The following PIWIL1 variants were observed in gnomAD, a reference collection of about 807,000 sequenced individuals.
PIWIL1 encodes piwi-like protein 1.
In PIWIL1, 73 loss-of-function variants were observed where a neutral mutation model predicts 114.4. That is an observed-to-expected ratio of 0.64 (90% confidence interval 0.53 to 0.78). The LOEUF (loss-of-function observed/expected upper bound fraction) is 0.78, where lower values mean the gene tolerates loss of function less well. Ranked by LOEUF, PIWIL1 falls within the 30% of genes least tolerant of loss-of-function variation. The probability of loss-of-function intolerance (pLI) is 0.00; values close to 1 mark genes in which losing one functional copy is unlikely to be tolerated. For synonymous variants in PIWIL1, 375 were observed against 369.0 expected (o/e 1.02, Z -0.19); for missense variants, 723 against 1,063.1 (o/e 0.68, Z 4.45).
the PIWIL1 span, among the ~76,000 whole-genome samples, chr12:130,388,208 G>T: frequency 6.6e-6 from 1 of 152,078 alleles, no homozygotes; most frequent in Non-Finnish European, 1.5e-5. Context: ...CAAACTCCTG[G>T]GCTCAGGTGA....
At chr12:130,378,491 A>T in the PIWIL1 span, among the ~76,000 whole-genome samples, 57,422 of 152,036 alleles carry the variant, frequency 0.38, 11,486 homozygotes, top group East Asian at 0.51. Flanking sequence ...TACATAGATG[A>T]GGAATTGCTG....
chr12:130,342,412 G>A lies in PIWIL1; in HGVS notation c.-12-168G>A, dbSNP rs137963305. 516 of 612,118 alleles carry A rather than the reference G, an allele frequency of 8.4e-4. 1 individual carries two copies. In the African/African-American group the frequency reaches 8.8e-3, roughly 10 times the overall value. The allele number at this position is 612,118 out of a possible 1,614,324, so 37.9% of individuals were successfully genotyped here. On this transcript the variant is annotated intron_variant, in intron 1 of 20. Coordinates refer to ENST00000245255, the MANE Select transcript of PIWIL1 (RefSeq NM_004764.5). ...AGGTAAGCAACTGAGTTTGTTGAAT[G>A]TAGGAATGTTACATTAAAAAAAACT...
chr12:130,412,834 C>T, the PIWIL1 span: 1 of 1,545,572 alleles, frequency 6.5e-7, no homozygotes. Flanking sequence ...TTGATTGGTT[C>T]AGAAATACAA....
chr12:130,397,258 G>A, the PIWIL1 span: 8 of 395,320 alleles, frequency 2.0e-5, no homozygotes, highest in African/African-American at 1.6e-4. Flanking sequence ...CTGGTGTCAG[G>A]GGAGAAGATT....
At chr12:130,386,318 T>G in the PIWIL1 span, among the ~76,000 whole-genome samples, 1 of 152,084 alleles carries the variant, frequency 6.6e-6, no homozygotes, top group Non-Finnish European at 1.5e-5. Flanking sequence ...AATAAGGAAA[T>G]AATTATCCTT....
intron 19 of PIWIL1, among the ~76,000 whole-genome samples, chr12:130,368,598 A>C (rs575586767): frequency 3.3e-5 from 5 of 152,220 alleles, no homozygotes; most frequent in African/African-American, 1.2e-4. Flanking sequence ...ATTGGGGAAA[A>C]ATTGGCTAGA....
the PIWIL1 span, chr12:130,414,359 C>A: frequency 5.3e-6 from 8 of 1,498,050 alleles, no homozygotes; most frequent in Middle Eastern, 1.8e-4. Context: ...AACTGAGGAG[C>A]GTGCACGGGA....
In PIWIL1 at chr12:130,349,443, C is replaced by T. The variant is rs1189495691; in HGVS notation, c.932+7C>T. 1 of 1,574,652 alleles carries T rather than the reference C, an allele frequency of 6.4e-7. No individual in the cohort carries two copies. Among genetic ancestry groups the T allele is most frequent in the Non-Finnish European group, 8.7e-7 (1 of 1,145,866 alleles). On this transcript the variant is annotated splice_region_variant and intron_variant, in intron 8 of 20. Coordinates refer to ENST00000245255, the MANE Select transcript of PIWIL1 (RefSeq NM_004764.5). ...GTTTAGTTGTTCTTACCAAGTAAGA[C>T]TGCTTTTTAAAGTGCACAATAATTT...
At chr12:130,342,514 A>T in intron 1 of PIWIL1, 66 bp from the exon 2 acceptor site, 2 of 917,756 alleles carry the variant, frequency 2.2e-6, no homozygotes, top group South Asian at 2.8e-5. Flanking sequence ...TTAAAGTAAC[A>T]TTGTAGAAAT....
the PIWIL1 span, among the ~76,000 whole-genome samples, chr12:130,409,300 A>C: frequency 0.026 from 3,723 of 142,266 alleles, 184 homozygotes; most frequent in African/African-American, 0.091. Context: ...CCTTTCCAGA[A>C]TGTCACTAAA....
chr12:130,362,362 C>A (rs142761324), intron 16 of PIWIL1, among the ~76,000 whole-genome samples: 1 of 152,170 alleles, frequency 6.6e-6, no homozygotes, highest in Non-Finnish European at 1.5e-5. Context: ...CTAGAGGTAA[C>A]GGATGGAGCT....
At chr12:130,380,101 T>G in the PIWIL1 span, among the ~76,000 whole-genome samples, 10 of 105,872 alleles carry the variant, frequency 9.4e-5, no homozygotes, top group African/African-American at 4.3e-4. Flanking sequence ...CTCATCCCAA[T>G]TCCCATCCAA....
At chr12:130,339,913 G>T (rs994882367) in intron 1 of PIWIL1, among the ~76,000 whole-genome samples, 2 of 152,342 alleles carry the variant, frequency 1.3e-5, no homozygotes, top group East Asian at 3.9e-4. Flanking sequence ...TTTCCTGCTG[G>T]AGATGAGAGT....
chr12:130,424,444 G>A, the PIWIL1 span: 4 of 1,232,274 alleles, frequency 3.2e-6, no homozygotes, highest in Non-Finnish European at 4.0e-6. This position sits in a 1 kb window ranked among gnomAD's most constrained non-coding sequence, Gnocchi z 9.8. Context: ...CCAGGGCCTG[G>A]GCTGCACGCG....
downstream of PIWIL1, among the ~76,000 whole-genome samples, chr12:130,374,573 C>G (rs193262599): frequency 1.3e-5 from 2 of 152,306 alleles, no homozygotes; most frequent in Non-Finnish European, 2.9e-5. Context: ...CCTCTACACT[C>G]TGAGTTAAGC....
chr12:130,346,513 G>A lies in PIWIL1; in HGVS notation c.460G>A (p.Glu154Lys), dbSNP rs369491337. The A allele has an allele frequency of 1.6e-5, 26 of 1,613,922 alleles. No homozygotes were observed. Among genetic ancestry groups the A allele is most frequent in the East Asian group, 2.2e-5 (1 of 44,892 alleles). ...CCGTTCAGCTCTTCTTTTTCAACAC[G>A]AAGATCTAATTGGAAAGTGTCATGC... is the stretch of plus-strand genomic sequence containing the variant. ...RLRSALLFQH[E>K]DLIGKCHAFD... Residue 154 changes from glutamate (E) to lysine (K), a missense_variant, in exon 5 of 21, where the codon GAA (glutamate) becomes AAA (lysine). Coordinates refer to ENST00000245255, the MANE Select transcript of PIWIL1 (RefSeq NM_004764.5).
At chr12:130,423,231 C>T in the PIWIL1 span, among the ~76,000 whole-genome samples, 4 of 152,158 alleles carry the variant, frequency 2.6e-5, no homozygotes, top group Non-Finnish European at 5.9e-5. Context: ...TGAGGAAGTT[C>T]TCAGGAACAC....
At chr12:130,367,464 T>C (rs905674155) in intron 19 of PIWIL1, among the ~76,000 whole-genome samples, 2 of 152,196 alleles carry the variant, frequency 1.3e-5, no homozygotes, top group African/African-American at 2.4e-5. Context: ...AAGTACAGTT[T>C]TTCATTGGGG....
intron 16 of PIWIL1, among the ~76,000 whole-genome samples, chr12:130,362,132 C>G (rs1349841536): frequency 2.6e-5 from 4 of 152,078 alleles, no homozygotes; most frequent in Non-Finnish European, 5.9e-5. Context: ...CATAGGTAAA[C>G]TCGTGTCATG....
Sources: allele counts gnomAD v4.1 joint callset (sites outside exome capture counted in the v4.1 genomes callset), GRCh38; gene constraint gnomAD v4.1.1; non-coding constraint Gnocchi (gnomAD v3.1); transcripts MANE v1.5; gene names NCBI Gene and HGNC (gene_info 2026-07-23, HGNC 2026-07-21).